Variants in PDE4B observed in about 807,000 individuals in gnomAD.
PDE4B encodes phosphodiesterase 4B.
PDE4B carries 20 observed loss-of-function variants against 82.2 expected under a neutral mutation model. That is an observed-to-expected ratio of 0.24 (90% CI 0.17 to 0.35). PDE4B has a LOEUF of 0.35. Among genes scored for constraint, PDE4B ranks in the 10% least tolerant of loss-of-function variants. The pLI, the probability that PDE4B is intolerant of heterozygous loss-of-function variation, is 1.00. For synonymous variants in PDE4B, 320 were observed against 318.9 expected, an observed-to-expected ratio of 1.00 and a Z score of -0.04; for missense variants, 655 against 907.2, an observed-to-expected ratio of 0.72 and a Z score of 3.57.
intron 3 of PDE4B, among the ~76,000 whole-genome samples, chr1:66,034,153 C>A (rs1302511504): frequency 6.6e-6 from 1 of 152,110 alleles, no homozygotes; most frequent in African/African-American, 2.4e-5. Flanking sequence ...TGTGAGTGAG[C>A]TTTCTCTCTC....
intron 3 of PDE4B, among the ~76,000 whole-genome samples, chr1:66,189,451 C>A (rs1471726935): frequency 6.6e-6 from 1 of 152,216 alleles, no homozygotes; most frequent in African/African-American, 2.4e-5. Context: ...TCCATTCTCC[C>A]TGTCACTTTC....
At chr1:66,018,278 A>T (rs1435999210) in intron 3 of PDE4B, among the ~76,000 whole-genome samples, 2 of 151,864 alleles carry the variant, frequency 1.3e-5, no homozygotes, top group Non-Finnish European at 2.9e-5. Context: ...TTAGCCGGGC[A>T]TGGTGGTGGC....
intron 1 of PDE4B, among the ~76,000 whole-genome samples, chr1:65,886,317 A>T (rs1646776163): frequency 6.6e-6 from 1 of 152,128 alleles, no homozygotes; most frequent in African/African-American, 2.4e-5. Context: ...GCTGACTCTA[A>T]TGATCAAGTC....
At chr1:65,996,173 T>C (rs1224932277) in intron 3 of PDE4B, among the ~76,000 whole-genome samples, 3 of 152,162 alleles carry the variant, frequency 2.0e-5, no homozygotes, top group Non-Finnish European at 4.4e-5. Context: ...CCTTTTACCC[T>C]TGGGCAGGAC....
intron 3 of PDE4B, among the ~76,000 whole-genome samples, chr1:66,224,999 T>C (rs1197237936): frequency 1.3e-5 from 2 of 152,196 alleles, no homozygotes; most frequent in South Asian, 4.1e-4. Context: ...TGCCTTTTCT[T>C]TGGACACAAT....
intron 1 of PDE4B, among the ~76,000 whole-genome samples, chr1:65,816,787 A>G (rs998787675): frequency 6.6e-6 from 1 of 152,216 alleles, no homozygotes; most frequent in Non-Finnish European, 1.5e-5. Context: ...ATACAATACT[A>G]TATGTGTGTT....
chr1:66,065,386 A>C (rs1466941660), intron 3 of PDE4B, among the ~76,000 whole-genome samples: 1 of 151,930 alleles, frequency 6.6e-6, no homozygotes, highest in Non-Finnish European at 1.5e-5. Context: ...TTAATGAATA[A>C]TATGTGTGGT....
At chr1:66,316,582 A>G (rs112441046) in intron 7 of PDE4B, among the ~76,000 whole-genome samples, 1,718 of 152,336 alleles carry the variant, frequency 0.011, 38 homozygotes, top group African/African-American at 0.04. Context: ...GGGGAGATTG[A>G]TTTAAGCCAA....
rs1570801629 is a variant in PDE4B, at chr1:66,371,407, C to T, written c.1846-906C>T. Among the ~76,000 whole-genome samples the T allele has an allele frequency of 2.0e-5, 3 of 152,056 alleles. No homozygotes were observed. The South Asian group carries it at 6.2e-4, about 32-fold the overall frequency. On this transcript the variant is annotated intron_variant, in intron 16 of 16. Coordinates refer to ENST00000341517, the MANE Select transcript of PDE4B (RefSeq NM_002600.4). ...TTCTTTCTCTCTACTTGTCCCCACC[C>T]CCAGTGTTTCCTGTTTGTCCAACAA... is the stretch of plus-strand genomic sequence containing the variant.
intron 3 of PDE4B, among the ~76,000 whole-genome samples, chr1:65,982,230 G>A (rs912633585): frequency 1.3e-5 from 2 of 152,172 alleles, no homozygotes; most frequent in Non-Finnish European, 2.9e-5. Flanking sequence ...AAAGAACGTG[G>A]CCTACTTGTG....
At chr1:66,365,627 G>A (rs757732630) in intron 12 of PDE4B, 40 bp from the exon 13 acceptor site, 25 of 1,174,006 alleles carry the variant, frequency 2.1e-5, no homozygotes, top group African/African-American at 1.7e-4. Context: ...CAGGATAGGC[G>A]AATTGGATGT....
chr1:66,363,360 C>G (rs755938049), intron 11 of PDE4B, 47 bp from the exon 12 acceptor site: 1 of 1,564,486 alleles, frequency 6.4e-7, no homozygotes, highest in Non-Finnish European at 8.7e-7. Context: ...CTTTCCTCGA[C>G]TTTTGGACAT....
intron 3 of PDE4B, among the ~76,000 whole-genome samples, chr1:66,022,988 T>C (rs568368677): frequency 4.3e-4 from 65 of 152,310 alleles, no homozygotes; most frequent in Middle Eastern, 3.4e-3. Flanking sequence ...TTTCAGAACC[T>C]GTTATTGGTC....
intron 1 of PDE4B, among the ~76,000 whole-genome samples, chr1:65,890,876 C>T (rs527887665): frequency 6.6e-6 from 1 of 151,962 alleles, no homozygotes; most frequent in Non-Finnish European, 1.5e-5. Context: ...AACAAAGGGA[C>T]TGAGATGAAA....
At chr1:65,939,645 C>T (rs901767774) in intron 3 of PDE4B, among the ~76,000 whole-genome samples, 5 of 152,066 alleles carry the variant, frequency 3.3e-5, no homozygotes, top group African/African-American at 1.2e-4. Flanking sequence ...CCCACAAAGG[C>T]AGTCATCTAA....
chr1:66,041,591 T>A (rs1557518419), intron 3 of PDE4B, among the ~76,000 whole-genome samples: 1 of 151,902 alleles, frequency 6.6e-6, no homozygotes, highest in African/African-American at 2.4e-5. Flanking sequence ...TCTACTGAAT[T>A]CTCAAGACGG....
intron 1 of PDE4B, among the ~76,000 whole-genome samples, chr1:65,888,091 A>G (rs1646812683): frequency 6.6e-6 from 1 of 152,214 alleles, no homozygotes; most frequent in East Asian, 1.9e-4. Flanking sequence ...GGTCTTATGT[A>G]TAAGTCTTTA....
At chr1:65,839,333 A>G (rs1646180707) in intron 1 of PDE4B, among the ~76,000 whole-genome samples, 1 of 151,416 alleles carries the variant, frequency 6.6e-6, no homozygotes, top group Non-Finnish European at 1.5e-5. Flanking sequence ...GGTTTCTTAG[A>G]TAGGTATACA....
intron 3 of PDE4B, among the ~76,000 whole-genome samples, chr1:66,117,823 T>C (rs935882448): frequency 6.6e-6 from 1 of 152,190 alleles, no homozygotes; most frequent in Non-Finnish European, 1.5e-5. Flanking sequence ...TGAAAATGGA[T>C]ATGTACAGAT....
Sources: gnomAD v4.1 joint callset for allele counts (sites outside exome capture counted in the v4.1 genomes callset) on GRCh38, gnomAD v4.1.1 for gene constraint, MANE v1.5 for transcripts, NCBI Gene and HGNC (gene_info 2026-07-23, HGNC 2026-07-21) for gene names.